ADGRB3: variants seen among roughly 807,000 people sequenced by gnomAD.
ADGRB3 encodes the protein adhesion G protein-coupled receptor B3.
In ADGRB3, 37 loss-of-function variants were observed where a neutral mutation model predicts 193.4. That is an observed-to-expected ratio of 0.19 (90% CI 0.15 to 0.25). The LOEUF is 0.25. Among genes scored for constraint, ADGRB3 ranks in the 10% least tolerant of loss-of-function variants. ADGRB3 has a pLI of 1.00. For missense variants in ADGRB3, 1,637 were observed against 1,852.9 expected (o/e 0.88, Z 2.14); for synonymous variants, 690 against 644.2 (o/e 1.07, Z -1.08).
chr6:69,220,756 C>T (rs1765876441), intron 17 of ADGRB3, among the ~76,000 whole-genome samples: 1 of 152,012 alleles, frequency 6.6e-6, no homozygotes, highest in Non-Finnish European at 1.5e-5. Flanking sequence ...CCCTTATTAA[C>T]ATATTAAGAA....
chr6:69,070,432 A>G (rs1048059320), intron 16 of ADGRB3, among the ~76,000 whole-genome samples: 4 of 152,206 alleles, frequency 2.6e-5, no homozygotes, highest in Non-Finnish European at 5.9e-5. Flanking sequence ...GGTAATGAAC[A>G]AATCCATCGC....
intron 17 of ADGRB3, among the ~76,000 whole-genome samples, chr6:69,156,882 G>A (rs1054908816): frequency 2.0e-5 from 3 of 152,100 alleles, no homozygotes; most frequent in African/African-American, 7.2e-5. Flanking sequence ...GGGATGTTGG[G>A]TAACACAGCT....
At chr6:69,339,256 C>T (rs1351959635) in intron 25 of ADGRB3, 77 bp from the exon 26 acceptor site, 3 of 1,512,222 alleles carry the variant, frequency 2.0e-6, no homozygotes, top group Non-Finnish European at 2.7e-6. Context: ...TACAAAAATG[C>T]TTTGTTGAAT....
At chr6:68,703,901 G>A (rs1415122396) in intron 3 of ADGRB3, among the ~76,000 whole-genome samples, 1 of 152,156 alleles carries the variant, frequency 6.6e-6, no homozygotes, top group Non-Finnish European at 1.5e-5. Context: ...GGGATTACAG[G>A]TGTGAGCCAC....
intron 22 of ADGRB3, among the ~76,000 whole-genome samples, chr6:69,329,717 C>T (rs1172803702): frequency 6.6e-6 from 1 of 152,152 alleles, no homozygotes; most frequent in African/African-American, 2.4e-5. Flanking sequence ...GCACCAGCAG[C>T]CCCTCACACT....
chr6:69,101,268 C>A (rs951782467), intron 17 of ADGRB3, among the ~76,000 whole-genome samples: 2 of 151,946 alleles, frequency 1.3e-5, no homozygotes, highest in Non-Finnish European at 2.9e-5. Context: ...ACGCATATAG[C>A]ATGTATGGAT....
intron 17 of ADGRB3, among the ~76,000 whole-genome samples, chr6:69,201,328 G>T (rs1449716687): frequency 6.6e-6 from 1 of 151,948 alleles, no homozygotes; most frequent in Non-Finnish European, 1.5e-5. Context: ...CTGGCTCCTA[G>T]TTCCCAGGAC....
At chr6:69,374,245 A>G (rs1038408707) in intron 30 of ADGRB3, among the ~76,000 whole-genome samples, 2 of 152,086 alleles carry the variant, frequency 1.3e-5, no homozygotes, top group African/African-American at 4.8e-5. Context: ...TATGTGGCAG[A>G]TATTTCGTGG....
chr6:68,997,488 C>CAAAAAAAAAAAAAAAA (rs748557247), intron 11 of ADGRB3, among the ~76,000 whole-genome samples: 1 of 52,172 alleles, frequency 1.9e-5, no homozygotes, highest in African/African-American at 6.1e-5. Flanking sequence ...ACTAAAAATA[C>CAAAAAAAAAAAAAAAA]AAAAAAAAAA....
In ADGRB3 at chr6:69,333,020, T is replaced by C. The variant is rs567939806; in HGVS notation, c.3188+12T>C. The C allele has an allele frequency of 5.0e-6, 8 of 1,611,954 alleles. No individual in the cohort carries two copies. The Admixed American group carries it at 8.4e-5, about 17-fold the overall frequency. On this transcript the variant is annotated intron_variant, in intron 24 of 31. Coordinates refer to ENST00000370598, the MANE Select transcript of ADGRB3 (RefSeq NM_001704.3). The stretch of plus-strand genomic sequence containing the variant: ...AAACACAGAGCCGGGTAAGCTGCAA[T>C]TGGTGGATTTTGAAGGTTATTTATC...
chr6:68,797,403 A>G (rs1364727583), intron 3 of ADGRB3, among the ~76,000 whole-genome samples: 1 of 151,684 alleles, frequency 6.6e-6, no homozygotes, highest in Non-Finnish European at 1.5e-5. Flanking sequence ...AGGCATTTGA[A>G]GCCAAAAAAA....
chr6:68,674,404 A>G (rs1769036838), intron 3 of ADGRB3, among the ~76,000 whole-genome samples: 1 of 152,160 alleles, frequency 6.6e-6, no homozygotes, highest in Admixed American at 6.6e-5. Flanking sequence ...AAATGCAACC[A>G]CTTTTACACA....
intron 11 of ADGRB3, among the ~76,000 whole-genome samples, chr6:69,009,366 TA>T (rs1355355899): frequency 2.6e-5 from 4 of 151,906 alleles, no homozygotes; most frequent in African/African-American, 7.3e-5. Flanking sequence ...AATCTGGACA[TA>T]AAGGATAATA....
intron 3 of ADGRB3, among the ~76,000 whole-genome samples, chr6:68,756,827 C>T (rs550085864): frequency 8.5e-5 from 13 of 152,262 alleles, no homozygotes; most frequent in South Asian, 2.1e-4. Context: ...AAATTGTTTA[C>T]GTATAGTGTT....
chr6:69,005,623 T>C (rs1769725064), intron 11 of ADGRB3, among the ~76,000 whole-genome samples: 1 of 152,146 alleles, frequency 6.6e-6, no homozygotes, highest in African/African-American at 2.4e-5. Flanking sequence ...CTAGTGAGTA[T>C]TAGGATATAT....
chr6:69,182,536 T>G (rs892543694), intron 17 of ADGRB3, among the ~76,000 whole-genome samples: 1 of 152,112 alleles, frequency 6.6e-6, no homozygotes, highest in Non-Finnish European at 1.5e-5. Context: ...TCTTAATTTT[T>G]GATTATTTGT....
chr6:69,246,475 T>C lies in ADGRB3; in HGVS notation c.2814+7249T>C, dbSNP rs550769593. ...CCAAGGAGCATAATGGTTGGCTAGCTTCTTGATTTCCCCAGGCTCCCAGCA... is the reference window on the plus strand; with the variant it reads ...CCAAGGAGCATAATGGTTGGCTAGCCTCTTGATTTCCCCAGGCTCCCAGCA... On this transcript the variant is annotated intron_variant, in intron 20 of 31. Coordinates refer to ENST00000370598, the MANE Select transcript of ADGRB3 (RefSeq NM_001704.3). Among the ~76,000 whole-genome samples the C allele has an allele frequency of 3.3e-5, 5 of 152,310 alleles. No homozygotes were observed. The East Asian group carries it at 9.6e-4, about 29-fold the overall frequency.
intron 3 of ADGRB3, among the ~76,000 whole-genome samples, chr6:68,839,033 C>G (rs1768097921): frequency 1.3e-5 from 2 of 151,754 alleles, no homozygotes; most frequent in African/African-American, 2.4e-5. Context: ...TGCCCTCTCT[C>G]TATCTCTCTT....
rs1357592122 is a variant in ADGRB3 at position 68,639,226 on chromosome 6, G to A, written c.551G>A (p.Gly184Glu). ...GAGAGCTGCTTAAAATCAGAAAATG[G>A]GAGAACAGAATCATGTGGGATCATG... ...WLESCLKSENGRTESCGIMYT... is the reference protein window; with the variant it reads ...WLESCLKSENERTESCGIMYT... The change falls in exon 3 of 32, where the codon GGG (glycine) becomes GAG (glutamate). Residue 184 changes from glycine (G) to glutamate (E), a missense_variant. Transcript: ENST00000370598. 6.2e-7 allele frequency: 1 copy of A among 1,614,128 alleles called. No individual in the cohort carries two copies. Among genetic ancestry groups the A allele is most frequent in the Admixed American group, 1.7e-5 (1 of 60,024 alleles).
Sources: gnomAD v4.1 joint callset for allele counts (sites outside exome capture counted in the v4.1 genomes callset) on GRCh38, gnomAD v4.1.1 for gene constraint, MANE v1.5 for transcripts, NCBI Gene and HGNC (gene_info 2026-07-23, HGNC 2026-07-21) for gene names.